KIAA1549L: variants seen among roughly 807,000 people sequenced by gnomAD.
The protein encoded by KIAA1549L is UPF0606 protein KIAA1549L.
In KIAA1549L, 88 loss-of-function variants were observed where a neutral mutation model predicts 160.7. The observed-to-expected ratio is 0.55, with a 90% CI of 0.46 to 0.65. The LOEUF is 0.65. Ranked by LOEUF, KIAA1549L falls within the 30% of genes least tolerant of loss-of-function variation. The pLI is 0.00. For missense variants in KIAA1549L, 2,258 were observed against 2,437.5 expected, an observed-to-expected ratio of 0.93 and a Z score of 1.55; for synonymous variants, 950 against 976.7, an observed-to-expected ratio of 0.97 and a Z score of 0.51.
chr11:33,553,403 A>G (rs559567352), intron 6 of KIAA1549L, among the ~76,000 whole-genome samples: 4 of 151,986 alleles, frequency 2.6e-5, no homozygotes, highest in South Asian at 2.1e-4. Context: ...CTTCTTTTCA[A>G]TGTCTCTGTT....
chr11:33,596,227 C>T (rs2133298096), intron 12 of KIAA1549L, among the ~76,000 whole-genome samples: 1 of 152,292 alleles, frequency 6.6e-6, no homozygotes, highest in East Asian at 1.9e-4. Flanking sequence ...AGTGGACATG[C>T]ATGCACAAAC....
chr11:33,570,338 C>T (rs1855208395), intron 9 of KIAA1549L, among the ~76,000 whole-genome samples: 1 of 152,042 alleles, frequency 6.6e-6, no homozygotes, highest in Admixed American at 6.5e-5. Context: ...TGCACTTGGC[C>T]CCTTTAGCTG....
chr11:33,583,566 C>A, intron 11 of KIAA1549L, 65 bp downstream of exon 11: 2 of 1,458,640 alleles, frequency 1.4e-6, no homozygotes, highest in Admixed American at 2.2e-5. Context: ...CTGCCTTTCC[C>A]TCTTGCCTTT....
At chr11:33,459,127 G>A (rs995721579) in intron 1 of KIAA1549L, among the ~76,000 whole-genome samples, 1 of 152,216 alleles carries the variant, frequency 6.6e-6, no homozygotes, top group Non-Finnish European at 1.5e-5. Flanking sequence ...TTGTATGTTA[G>A]TGGAGACTTT....
At chr11:33,437,785 A>C (rs948467536) in intron 1 of KIAA1549L, among the ~76,000 whole-genome samples, 28 of 152,132 alleles carry the variant, frequency 1.8e-4, no homozygotes, top group Non-Finnish European at 2.9e-5. Flanking sequence ...CTGACTATTT[A>C]CTAGGATTCT....
At position 33,408,598 on chromosome 11, in the gene KIAA1549L, T is replaced by G. The variant is rs558611012; in HGVS notation, c.238+31709T>G. Among the ~76,000 whole-genome samples the G allele has an allele frequency of 2.8e-3, 417 of 150,342 alleles. 5 individuals are homozygous for G. The highest frequency in any genetic ancestry group is 9.7e-3 in the African/African-American group (398 of 40,960). ...ACACAGATGCCTCATGTGAGCAAGT[T>G]TTTTTGGCACCTCTCTGTCCCAGTC... On this transcript the variant is annotated intron_variant, in intron 1 of 20. Coordinates refer to ENST00000658780, the MANE Select transcript of KIAA1549L (RefSeq NM_012194.3).
rs945256571 is a variant in KIAA1549L at position 33,434,019 on chromosome 11, T to C, written c.238+57130T>C. Among the ~76,000 whole-genome samples the C allele has an allele frequency of 8.5e-5, 13 of 152,182 alleles. No individual in the cohort carries two copies. In the South Asian group the frequency reaches 1.2e-3, roughly 15 times the overall value. On this transcript the variant is annotated intron_variant, in intron 1 of 20. Coordinates refer to ENST00000658780, the MANE Select transcript of KIAA1549L (RefSeq NM_012194.3). ...CCACCATGGCACATGTATACCCATG[T>C]AACCTGCACGTTCTGCACATGTATC...
chr11:33,448,741 G>C (rs1432529960), intron 1 of KIAA1549L, among the ~76,000 whole-genome samples: 6 of 152,218 alleles, frequency 3.9e-5, no homozygotes, highest in African/African-American at 1.4e-4. Context: ...TGGCTACTCA[G>C]AGGAAAGATA....
chr11:33,655,627 G>C (rs1852037993), intron 17 of KIAA1549L, among the ~76,000 whole-genome samples: 1 of 152,218 alleles, frequency 6.6e-6, no homozygotes. Context: ...TATAAAGTCA[G>C]AGAGTGATCG....
At chr11:33,413,403 G>A (rs917968527) in intron 1 of KIAA1549L, among the ~76,000 whole-genome samples, 14 of 150,130 alleles carry the variant, frequency 9.3e-5, no homozygotes, top group African/African-American at 2.2e-4. Flanking sequence ...ATGCCACTGC[G>A]CGCCAGCTGG....
chr11:33,547,361 G>C (rs970754658), intron 3 of KIAA1549L, among the ~76,000 whole-genome samples: 27 of 152,354 alleles, frequency 1.8e-4, no homozygotes, highest in African/African-American at 4.8e-4. Context: ...CCACTTGCGA[G>C]GTGGGGATGG....
chr11:33,524,640 G>A (rs1853573102), intron 1 of KIAA1549L, among the ~76,000 whole-genome samples: 1 of 152,072 alleles, frequency 6.6e-6, no homozygotes, highest in African/African-American at 2.4e-5. Flanking sequence ...TGAGTGTTGG[G>A]AGAGTGTTAA....
chr11:33,477,509 A>G lies in KIAA1549L; in HGVS notation c.239-64293A>G, dbSNP rs550046488. Among the ~76,000 whole-genome samples the G allele has an allele frequency of 4.7e-4, 68 of 145,624 alleles. No individual in the cohort carries two copies. The East Asian group carries it at 5.2e-3, about 11-fold the overall frequency. ...GGTGGAGTGCCACGCAGGTGCACGC[A>G]CACACACACAAACACACACACACAC... On this transcript the variant is annotated intron_variant, in intron 1 of 20. Coordinates refer to ENST00000658780, the MANE Select transcript of KIAA1549L (RefSeq NM_012194.3).
At chr11:33,457,509 G>A (rs186035164) in intron 1 of KIAA1549L, among the ~76,000 whole-genome samples, 120 of 152,292 alleles carry the variant, frequency 7.9e-4, no homozygotes, top group African/African-American at 2.7e-3. Context: ...CTTGACTCCC[G>A]CATCCTAGGT....
intron 1 of KIAA1549L, among the ~76,000 whole-genome samples, chr11:33,441,771 G>T (rs1344993924): frequency 1.3e-5 from 2 of 151,992 alleles, no homozygotes; most frequent in East Asian, 1.9e-4. Context: ...GGGGTTGTTT[G>T]TTTTTTTCTT....
intron 16 of KIAA1549L, among the ~76,000 whole-genome samples, chr11:33,627,312 G>A (rs1202414145): frequency 6.7e-6 from 1 of 149,804 alleles, no homozygotes; most frequent in South Asian, 2.1e-4. Flanking sequence ...CTATTGATTG[G>A]AATAGTTTCA....
At chr11:33,474,403 C>G (rs1447325990) in intron 1 of KIAA1549L, among the ~76,000 whole-genome samples, 2 of 152,218 alleles carry the variant, frequency 1.3e-5, no homozygotes, top group African/African-American at 4.8e-5. Flanking sequence ...TTCCCTTGCT[C>G]GTTGCTCTTC....
intron 1 of KIAA1549L, among the ~76,000 whole-genome samples, chr11:33,444,589 A>G (rs1166191457): frequency 3.3e-5 from 5 of 152,252 alleles, no homozygotes; most frequent in African/African-American, 1.2e-4. Context: ...ATGTTTTGCC[A>G]TGTGGATGTA....
intron 1 of KIAA1549L, among the ~76,000 whole-genome samples, chr11:33,520,211 C>T (rs567757239): frequency 6.6e-6 from 1 of 152,194 alleles, no homozygotes; most frequent in African/African-American, 2.4e-5. Context: ...GGGCCCTATG[C>T]TATACAGTAG....
Sources: gnomAD v4.1 joint callset for allele counts (sites outside exome capture counted in the v4.1 genomes callset) on GRCh38, gnomAD v4.1.1 for gene constraint, MANE v1.5 for transcripts, NCBI Gene and HGNC (gene_info 2026-07-23, HGNC 2026-07-21) for gene names.